The following SMAP1 variants were observed in gnomAD, a reference collection of about 807,000 sequenced individuals.
The protein encoded by SMAP1 is stromal membrane-associated protein 1.
A neutral mutation model predicts 58.5 loss-of-function variants in SMAP1; 24 were observed. The observed-to-expected ratio is 0.41, with a 90% CI of 0.30 to 0.58. SMAP1 has a LOEUF of 0.58. Ranked by LOEUF, SMAP1 falls within the 20% of genes least tolerant of loss-of-function variation. The pLI is 0.29. For synonymous variants in SMAP1, 216 were observed against 196.6 expected (o/e 1.10, Z -0.82); for missense variants, 563 against 566.3 (o/e 0.99, Z 0.06).
rs1337750739 is a variant in SMAP1, at chr6:70,668,191, G to A, written c.118+50G>A. On this transcript the variant is annotated intron_variant, in intron 1 of 10. Coordinates refer to ENST00000370455, the MANE Select transcript of SMAP1 (RefSeq NM_001044305.3). ...ACGGTCGGGGCCTCTTGCGACCGGTGACCTTCCCGCCGCTGCGGCGCTCGG... is the reference window on the plus strand; with the variant it reads ...ACGGTCGGGGCCTCTTGCGACCGGTAACCTTCCCGCCGCTGCGGCGCTCGG... 4 of 1,508,050 alleles carry A rather than the reference G, an allele frequency of 2.7e-6. No individual in the cohort carries two copies. The South Asian group carries it at 4.6e-5, about 18-fold the overall frequency. The allele number at this position is 1,508,050 out of a possible 1,614,324, so 93.4% of individuals were successfully genotyped here.
At chr6:70,818,895 A>G (rs976391058) in intron 6 of SMAP1, among the ~76,000 whole-genome samples, 4 of 143,338 alleles carry the variant, frequency 2.8e-5, no homozygotes, top group Admixed American at 7.1e-5. Flanking sequence ...CATGTCATCC[A>G]TGTCACTCAT....
chr6:70,806,120 G>A (rs773995031), intron 6 of SMAP1, among the ~76,000 whole-genome samples: 1 of 152,238 alleles, frequency 6.6e-6, no homozygotes, highest in Non-Finnish European at 1.5e-5. Context: ...CTGAGGTGGA[G>A]TCTATAGAGG....
At chr6:70,744,136 T>C (rs1446236336) in intron 2 of SMAP1, among the ~76,000 whole-genome samples, 1 of 151,968 alleles carries the variant, frequency 6.6e-6, no homozygotes, top group Admixed American at 6.6e-5. Context: ...ATTGTTAAGA[T>C]GTTACTTAGT....
intron 5 of SMAP1, among the ~76,000 whole-genome samples, chr6:70,792,510 A>G (rs1410051047): frequency 2.0e-5 from 3 of 152,024 alleles, no homozygotes; most frequent in Admixed American, 1.3e-4. Context: ...ACAGATAACT[A>G]TATAGCAGTT....
At chr6:70,802,063 T>C (rs1768881093) in intron 6 of SMAP1, among the ~76,000 whole-genome samples, 1 of 152,240 alleles carries the variant, frequency 6.6e-6, no homozygotes, top group African/African-American at 2.4e-5. Flanking sequence ...AAGTCATTGG[T>C]AGCTTGATGA....
At chr6:70,675,264 CAT>C (rs1207056476) in intron 1 of SMAP1, among the ~76,000 whole-genome samples, 1 of 129,700 alleles carries the variant, frequency 7.7e-6, no homozygotes, top group Non-Finnish European at 1.6e-5. Context: ...TATACTAACT[CAT>C]ATAATCTTCA....
intron 3 of SMAP1, among the ~76,000 whole-genome samples, chr6:70,765,481 A>G (rs1427293807): frequency 6.6e-6 from 1 of 152,212 alleles, no homozygotes; most frequent in Non-Finnish European, 1.5e-5. Flanking sequence ...AACAAGTGAG[A>G]TAATTATTTA....
chr6:70,756,782 G>A (rs912123867), intron 3 of SMAP1, among the ~76,000 whole-genome samples: 22 of 152,074 alleles, frequency 1.4e-4, no homozygotes, highest in Non-Finnish European at 2.8e-4. Context: ...CTTCAAAGAG[G>A]ATAAAATACC....
intron 6 of SMAP1, among the ~76,000 whole-genome samples, chr6:70,808,030 G>A (rs949637351): frequency 4.0e-5 from 6 of 151,846 alleles, no homozygotes; most frequent in Non-Finnish European, 8.8e-5. Flanking sequence ...TCAGAAAGAA[G>A]AGAAAATATA....
At chr6:70,729,440 A>C (rs1428288093) in intron 1 of SMAP1, among the ~76,000 whole-genome samples, 1 of 141,040 alleles carries the variant, frequency 7.1e-6, no homozygotes, top group Non-Finnish European at 1.6e-5. Context: ...CTCCGTCTCA[A>C]AAAAAAAAAA....
At chr6:70,858,483 A>C in intron 10 of SMAP1, 1 of 328,648 alleles carries the variant, frequency 3.0e-6, no homozygotes, top group Non-Finnish European at 5.5e-6. Context: ...TCAAATTGTA[A>C]TGTAACTGTA....
chr6:70,679,249 C>T (rs965741535), intron 1 of SMAP1, among the ~76,000 whole-genome samples: 1 of 152,052 alleles, frequency 6.6e-6, no homozygotes, highest in Admixed American at 6.6e-5. Context: ...AAACCCCTGA[C>T]CTCGAGTGAT....
intron 1 of SMAP1, among the ~76,000 whole-genome samples, chr6:70,685,206 A>G (rs1214407650): frequency 6.6e-6 from 1 of 152,148 alleles, no homozygotes; most frequent in Non-Finnish European, 1.5e-5. Flanking sequence ...TTTGGTAAAA[A>G]ATGTAATTGA....
intron 6 of SMAP1, among the ~76,000 whole-genome samples, chr6:70,825,353 A>G (rs1159203847): frequency 6.6e-6 from 1 of 152,174 alleles, no homozygotes; most frequent in Non-Finnish European, 1.5e-5. Flanking sequence ...TGCTGGGGTT[A>G]AAAACTCAGG....
chr6:70,784,802 G>T (rs1582178807), intron 4 of SMAP1, among the ~76,000 whole-genome samples: 2 of 152,242 alleles, frequency 1.3e-5, no homozygotes, highest in South Asian at 4.1e-4. Flanking sequence ...GATTCATAAA[G>T]CAAGTCCTGA....
intron 2 of SMAP1, among the ~76,000 whole-genome samples, chr6:70,753,514 A>G (rs1286224264): frequency 6.6e-6 from 1 of 152,108 alleles, no homozygotes; most frequent in Non-Finnish European, 1.5e-5. Flanking sequence ...ATGCAGCATC[A>G]TTTGAATGCT....
At chr6:70,783,020 C>G (rs1274825848) in intron 4 of SMAP1, among the ~76,000 whole-genome samples, 1 of 152,198 alleles carries the variant, frequency 6.6e-6, no homozygotes, top group East Asian at 1.9e-4. Context: ...AGCAGCCTAA[C>G]TGGGAGGCAT....
chr6:70,787,480 A>G (rs9767756), intron 4 of SMAP1, among the ~76,000 whole-genome samples: 99,564 of 148,812 alleles, frequency 0.67, 34,458 homozygotes, highest in African/African-American at 0.86. Context: ...GCTTCTGCAC[A>G]GCAAAAGAAA....
chr6:70,860,388 C>T lies in SMAP1; in HGVS notation c.*54C>T, dbSNP rs1046475859. 1.2e-5 allele frequency: 19 copies of T among 1,563,278 alleles called. No individual in the cohort carries two copies. The highest frequency in any genetic ancestry group is 5.5e-5 in the African/African-American group (4 of 73,040). On this transcript the variant is annotated 3_prime_UTR_variant, in exon 11 of 11. Coordinates refer to ENST00000370455, the MANE Select transcript of SMAP1 (RefSeq NM_001044305.3). Reference sequence around the variant, plus strand: ...TACCACCTGACATTCCTTGCTGAAACGCATCTAGTTCCCCTGTTTATTCAT... The same window carrying T: ...TACCACCTGACATTCCTTGCTGAAATGCATCTAGTTCCCCTGTTTATTCAT...
Sources: allele counts gnomAD v4.1 joint callset (sites outside exome capture counted in the v4.1 genomes callset), GRCh38; gene constraint gnomAD v4.1.1; transcripts MANE v1.5; gene names NCBI Gene and HGNC (gene_info 2026-07-23, HGNC 2026-07-21).